MYO19: variants seen among roughly 807,000 people sequenced by gnomAD.
The protein encoded by MYO19 is myosin XIX.
Under a neutral mutation model 129.2 loss-of-function variants are expected in MYO19, and 132 were observed. That is an observed-to-expected ratio of 1.02 (90% confidence interval 0.89 to 1.18). The LOEUF is 1.18. Ranked by LOEUF, MYO19 falls within the 50% of genes most tolerant of loss-of-function variation. The pLI is 0.00. For missense variants in MYO19, 1,210 were observed against 1,216.7 expected (o/e 0.99, Z 0.08); for synonymous variants, 531 against 477.2 (o/e 1.11, Z -1.47).
chr17:36,496,873 G>A (rs780693750), intron 25 of MYO19, among the ~76,000 whole-genome samples: 12 of 152,090 alleles, frequency 7.9e-5, no homozygotes, highest in Admixed American at 1.3e-4. Flanking sequence ...AGTGAATGGG[G>A]CAGAACCAGG....
chr17:36,510,754 G>A lies in MYO19; in HGVS notation c.1149C>T (p.Ile383=). ...CCAGAGTAACTGCTCACCGCGCATA[G>A]ATCAGTTTGGCCAGGCAGTCTCTAC... ...DTRRDCLAKL[I]YARLFDWLVS... Residue 383 remains isoleucine, a synonymous_variant, in exon 13 of 26, where the codon ATC becomes ATT. Transcript: ENST00000614623. The A allele has an allele frequency of 6.2e-7, 1 of 1,606,292 alleles. No individual in the cohort carries two copies. Among genetic ancestry groups the A allele is most frequent in the Non-Finnish European group, 8.5e-7 (1 of 1,175,886 alleles).
chr17:36,512,670 G>T, intron 11 of MYO19: 1 of 1,289,168 alleles, frequency 7.8e-7, no homozygotes, highest in Non-Finnish European at 1.0e-6. Context: ...GGCAGTGTCT[G>T]AGCAGCCCCC....
At chr17:36,531,759 T>A (rs1180727457) in intron 3 of MYO19, among the ~76,000 whole-genome samples, 4 of 152,190 alleles carry the variant, frequency 2.6e-5, no homozygotes, top group Non-Finnish European at 4.4e-5. Context: ...CACACCTGGC[T>A]GCTACCTTGC....
At chr17:36,538,193 A>G (rs747955906), upstream of MYO19, 16 of 1,613,406 alleles carry the variant, frequency 9.9e-6, no homozygotes, top group Non-Finnish European at 6.8e-6. Flanking sequence ...TAGAAGCAGT[A>G]TCTCGAAGAA....
At chr17:36,536,462 A>T (rs78954551), upstream of MYO19, among the ~76,000 whole-genome samples, 10,754 of 151,554 alleles carry the variant, frequency 0.071, 644 homozygotes, top group African/African-American at 0.16. Flanking sequence ...CCATCTGCCT[A>T]TGATGCCATT....
intron 5 of MYO19, among the ~76,000 whole-genome samples, chr17:36,526,530 G>C (rs1312400484): frequency 2.0e-5 from 3 of 152,172 alleles, no homozygotes; most frequent in Admixed American, 2.0e-4. Flanking sequence ...TTCCTCAGCA[G>C]AGATAAACAT....
At position 36,501,059 on chromosome 17, in the gene MYO19, A is replaced by G. The variant is rs769264117; in HGVS notation, c.2247+10T>C. 2 of 1,605,752 alleles carry G rather than the reference A, an allele frequency of 1.2e-6. No individual in the cohort carries two copies. Among genetic ancestry groups the G allele is most frequent in the African/African-American group, 2.7e-5 (2 of 74,648 alleles). Reference sequence around the variant, plus strand: ...GCCTCTGTAACCTCCTCATCCCCAAACCAGCTCACCATAGAGTCAGTCATG... The same window carrying G: ...GCCTCTGTAACCTCCTCATCCCCAAGCCAGCTCACCATAGAGTCAGTCATG... On this transcript the variant is annotated intron_variant, in intron 22 of 25. Transcript: ENST00000614623.
chr17:36,541,729 T>C (rs2074199059), intron 2 of MYO19, among the ~76,000 whole-genome samples: 1 of 152,244 alleles, frequency 6.6e-6, no homozygotes, highest in South Asian at 2.1e-4. Context: ...GACAACTGTC[T>C]TTTAATGTAG....
At chr17:36,525,028 T>G (rs572446995) in intron 6 of MYO19, among the ~76,000 whole-genome samples, 200 bp downstream of exon 6, 2 of 152,206 alleles carry the variant, frequency 1.3e-5, no homozygotes, top group Non-Finnish European at 2.9e-5. Context: ...GAGCTTGCAG[T>G]AGAGCCTGGA....
intron 1 of MYO19, among the ~76,000 whole-genome samples, chr17:36,542,427 C>T (rs1313692349): frequency 6.6e-6 from 1 of 152,080 alleles, no homozygotes; most frequent in Non-Finnish European, 1.5e-5. Flanking sequence ...AGGCTGGGCA[C>T]GTTGGCTCAC....
rs552588930 is a variant in MYO19, at chr17:36,534,180, C to G, written c.-295-76G>C. On this transcript the variant is annotated intron_variant, in intron 1 of 25. Transcript: ENST00000614623. ...CAAGTGGCAACCTGATCACCAGTCC[C>G]TCCTTCTCAGACTGTTTCTTTCTAG... 3 of 152,684 alleles carry G rather than the reference C, an allele frequency of 2.0e-5. No individual in the cohort carries two copies. The East Asian group carries it at 5.8e-4, about 29-fold the overall frequency. The allele number at this position is 152,684 out of a possible 1,614,324, so 9.5% of individuals were successfully genotyped here.
chr17:36,510,590 A>AT (rs1232225811), intron 13 of MYO19, among the ~76,000 whole-genome samples, 156 bp downstream of exon 13: 1 of 152,212 alleles, frequency 6.6e-6, no homozygotes, highest in Non-Finnish European at 1.5e-5. Flanking sequence ...CTGTGCCCTG[A>AT]TGTGTCCAGG....
chr17:36,507,472 TTGA>T lies in MYO19; in HGVS notation c.1391_1393del (p.Ile464del), dbSNP rs746207111. The stretch of plus-strand genomic sequence containing the variant: ...CAAACAGGGCTGGTTGTCCTGGTAG[TTGA>T]TGAATGACCACTCCAGGCCCTCAAC... On this transcript the variant is annotated inframe_deletion, in exon 16 of 26. Coordinates refer to ENST00000614623, the MANE Select transcript of MYO19 (RefSeq NM_001163735.2). 3.1e-6 allele frequency: 5 copies of T among 1,613,616 alleles called. No individual in the cohort carries two copies. In the African/African-American group the frequency reaches 6.7e-5, roughly 22 times the overall value.
Position 36,500,862 on chromosome 17 carries a change from C to T in MYO19, c.2345G>A (p.Arg782Gln), listed in dbSNP as rs772541958. Reference sequence around the variant, plus strand: ...GATGAGCATGACGGCCCGCCACTGCCGCTCCTGCTCTCGGTGCCGGTGTCG... The same window carrying T: ...GATGAGCATGACGGCCCGCCACTGCTGCTCCTGCTCTCGGTGCCGGTGTCG... ...WRRHRHREQE[R>Q]QWRAVMLIQA... Residue 782 changes from arginine to glutamine, a missense_variant, in exon 23 of 26, where the codon CGG (arginine) becomes CAG (glutamine). Arg to Gln is a conservative substitution (Grantham distance 43). Coordinates refer to ENST00000614623, the MANE Select transcript of MYO19 (RefSeq NM_001163735.2). 6.7e-5 allele frequency: 107 copies of T among 1,604,436 alleles called. No individual in the cohort carries two copies. The highest frequency in any genetic ancestry group is 8.5e-5 in the Non-Finnish European group (100 of 1,179,128).
Position 36,528,183 on chromosome 17 carries a change from C to CG in MYO19, c.31_32insC (p.Gly11AlafsTer3). 6.3e-7 allele frequency: 1 copy of CG among 1,592,004 alleles called. No homozygotes were observed. Among genetic ancestry groups the CG allele is most frequent in the Non-Finnish European group, 8.6e-7 (1 of 1,168,606 alleles). On this transcript the variant is annotated frameshift_variant, in exon 4 of 26. Coordinates refer to ENST00000614623, the MANE Select transcript of MYO19 (RefSeq NM_001163735.2). LOFTEE classifies it high-confidence loss of function. ...GTACTCCCTGGCTTGGCCATCAGACCCCGGATTGTGGCCATTGACCTGGAA... is the reference window on the plus strand; with the variant it reads ...GTACTCCCTGGCTTGGCCATCAGACCGCCGGATTGTGGCCATTGACCTGGAA...
chr17:36,505,478 A>G, intron 18 of MYO19, 74 bp from the exon 19 acceptor site: 1 of 1,080,262 alleles, frequency 9.3e-7, no homozygotes, highest in Non-Finnish European at 1.4e-6. Flanking sequence ...CTGGTTAGTA[A>G]CTACATCAAA....
At chr17:36,512,755 A>G (rs768175649) in intron 11 of MYO19, 12 of 1,288,924 alleles carry the variant, frequency 9.3e-6, no homozygotes, top group Middle Eastern at 4.3e-4. Context: ...CTGCCAGGCC[A>G]TCCTATCTAT....
intron 21 of MYO19, among the ~76,000 whole-genome samples, chr17:36,502,638 C>T (rs1022337869): frequency 3.3e-5 from 5 of 152,152 alleles, no homozygotes; most frequent in Non-Finnish European, 5.9e-5. Flanking sequence ...TGCTCATCTG[C>T]CCAGAGAATA....
At chr17:36,515,269 G>A in intron 7 of MYO19, 87 bp from the exon 8 acceptor site, 1 of 1,255,916 alleles carries the variant, frequency 8.0e-7, no homozygotes, top group East Asian at 2.6e-5. Flanking sequence ...TGGAGGTCAT[G>A]TTCCCGTGCT....
Sources: gnomAD v4.1 joint callset for allele counts (sites outside exome capture counted in the v4.1 genomes callset) on GRCh38, gnomAD v4.1.1 for gene constraint, MANE v1.5 for transcripts, NCBI Gene and HGNC (gene_info 2026-07-23, HGNC 2026-07-21) for gene names.